Variants in DOK1 observed in about 807,000 individuals in gnomAD.
DOK1 encodes the protein docking protein 1.
Under a neutral mutation model 24.0 loss-of-function variants are expected in DOK1, and 12 were observed. The observed-to-expected ratio is 0.50, with a 90% CI of 0.32 to 0.81. The LOEUF is 0.81. Ranked by LOEUF, DOK1 falls within the 30% of genes least tolerant of loss-of-function variation. The pLI is 0.03. For missense variants in DOK1, 591 were observed against 620.7 expected, an observed-to-expected ratio of 0.95 and a Z score of 0.51; for synonymous variants, 250 against 260.9, an observed-to-expected ratio of 0.96 and a Z score of 0.40.
upstream of DOK1, chr2:74,554,570 C>A: frequency 3.2e-6 from 2 of 617,778 alleles, no homozygotes; most frequent in Non-Finnish European, 5.6e-6. This position sits in a 1 kb window ranked among gnomAD's most constrained non-coding sequence, Gnocchi z 4.9. Flanking sequence ...GGTGCTGCAG[C>A]TCCCGGCTAA....
chr2:74,554,914 G>A lies in DOK1; in HGVS notation c.60+100G>A. The A allele has an allele frequency of 1.3e-6, 2 of 1,556,964 alleles. No homozygotes were observed. The highest frequency in any genetic ancestry group is 8.7e-7 in the Non-Finnish European group (1 of 1,146,192). ...GGCAGCGGGCTGGAGAGCGGCGCCGGGAGTTGGAGAGCCTGTGACTTTCCC... is the reference window on the plus strand; with the variant it reads ...GGCAGCGGGCTGGAGAGCGGCGCCGAGAGTTGGAGAGCCTGTGACTTTCCC... On this transcript the variant is annotated intron_variant, in intron 1 of 4. Transcript: ENST00000233668. This position sits in a 1 kb window ranked among gnomAD's most constrained non-coding sequence, Gnocchi z 4.9.
rs908183659 is a variant in DOK1, at chr2:74,555,809, T to G, written c.455-85T>G. 2.5e-6 allele frequency: 4 copies of G among 1,583,894 alleles called. No individual in the cohort carries two copies. The African/African-American group carries it at 4.0e-5, about 16-fold the overall frequency. On this transcript the variant is annotated intron_variant, in intron 3 of 4. Coordinates refer to ENST00000233668, the MANE Select transcript of DOK1 (RefSeq NM_001381.5). This position sits in a 1 kb window ranked among gnomAD's most constrained non-coding sequence, Gnocchi z 6.1. ...GAGATCTGGCTTCCGAGTGAGTGCTTGGACACTATGCTCATGAGTCCTCTG... is the reference window on the plus strand; with the variant it reads ...GAGATCTGGCTTCCGAGTGAGTGCTGGGACACTATGCTCATGAGTCCTCTG...
chr2:74,552,324 G>C (rs917726288), upstream of DOK1: 2 of 1,596,844 alleles, frequency 1.3e-6, no homozygotes, highest in Non-Finnish European at 1.7e-6. Context: ...TTGCTCACCT[G>C]TTCCAGGGCC....
rs753192396 is a variant in DOK1, at chr2:74,549,412, G to C, written c.-358+240G>C. On this transcript the variant is annotated intron_variant, in intron 1 of 4. Coordinates refer to the DOK1 transcript ENST00000409429. The surrounding 1 kb of genome is among the most constrained non-coding windows in gnomAD (Gnocchi z 5.3). ...ACCCTCTTTTCGCTGGGGAAGCCCA[G>C]CATCCCGCAGACCACGTGGCTGTTG... The C allele has an allele frequency of 1.9e-6, 3 of 1,612,396 alleles. No individual in the cohort carries two copies. In the Admixed American group the frequency reaches 5.0e-5, roughly 27 times the overall value.
In DOK1 at chr2:74,555,478, T is replaced by TG. The variant is rs747082640; in HGVS notation, c.360+30dup. 6.2e-7 allele frequency: 1 copy of TG among 1,608,078 alleles called. No individual in the cohort carries two copies. The highest frequency in any genetic ancestry group is 8.5e-7 in the Non-Finnish European group (1 of 1,177,760). ...GGTGAGGAGCTGCGGCGATGCGGGG[T>TG]GGGGGCAGTTACAGAGGCAGAGAAA... On this transcript the variant is annotated intron_variant, in intron 2 of 4. Coordinates refer to ENST00000233668, the MANE Select transcript of DOK1 (RefSeq NM_001381.5). The surrounding 1 kb of genome is among the most constrained non-coding windows in gnomAD (Gnocchi z 6.1).
In DOK1 at chr2:74,556,768, G is replaced by C. The variant is rs764621606; in HGVS notation, c.1100G>C (p.Gly367Ala). The C allele has an allele frequency of 9.3e-6, 15 of 1,614,024 alleles. No homozygotes were observed. In the South Asian group the frequency reaches 1.6e-4, roughly 18 times the overall value. Residue 367 changes from glycine to alanine, a missense_variant, in exon 5 of 5, where the codon GGC (glycine) becomes GCC (alanine). Transcript: ENST00000233668. This position sits in a 1 kb window ranked among gnomAD's most constrained non-coding sequence, Gnocchi z 4.1. ...GATCCCATCTATGATGAACCTGAGG[G>C]CCTGGCCCCAGTCCCTCCCCAGGGC... ...KEDPIYDEPE[G>A]LAPVPPQGLY...
At chr2:74,550,448 C>T, upstream of DOK1, 1 of 1,244,636 alleles carries the variant, frequency 8.0e-7, no homozygotes, top group South Asian at 1.4e-5. Flanking sequence ...TCCCACTTGG[C>T]CATGATGATC....
chr2:74,552,670 T>G (rs778068013), upstream of DOK1: 42 of 1,487,014 alleles, frequency 2.8e-5, no homozygotes, highest in Non-Finnish European at 3.8e-5. Flanking sequence ...AGACAAAGTG[T>G]GCGTGAGAGA....
Position 74,556,717 on chromosome 2 carries a change from A to G in DOK1, c.1049A>G (p.Lys350Arg), listed in dbSNP as rs547903204. 1.9e-6 allele frequency: 3 copies of G among 1,614,228 alleles called. No individual in the cohort carries two copies. The highest frequency in any genetic ancestry group is 3.3e-5 in the Admixed American group (2 of 60,036). Residue 350 changes from lysine (K) to arginine (R), a missense_variant, in exon 5 of 5, where the codon AAG becomes AGG. Transcript: ENST00000233668. The surrounding 1 kb of genome is among the most constrained non-coding windows in gnomAD (Gnocchi z 4.1). ...LYEHAQQQLLKAKLTDPKEDP... is the reference protein window; with the variant it reads ...LYEHAQQQLLRAKLTDPKEDP... The stretch of plus-strand genomic sequence containing the variant: ...GAGCATGCGCAGCAGCAGTTGCTGA[A>G]GGCCAAGCTGACAGACCCCAAAGAG...
rs1677542479 is a variant in DOK1, at chr2:74,557,152, G to A, written c.*38G>A. 5.7e-6 allele frequency: 9 copies of A among 1,569,184 alleles called. No individual in the cohort carries two copies. The highest frequency in any genetic ancestry group is 7.8e-6 in the Non-Finnish European group (9 of 1,154,434). ...GGCTGAGGTGGCTAAGGGGGACCAT[G>A]GGGAGGTGGCACTAGGGATCAAAGA... On this transcript the variant is annotated 3_prime_UTR_variant, in exon 5 of 5. Coordinates refer to ENST00000233668, the MANE Select transcript of DOK1 (RefSeq NM_001381.5).
upstream of DOK1, chr2:74,554,409 G>GTATCATTAAAA: frequency 3.4e-6 from 1 of 297,736 alleles, no homozygotes; most frequent in Non-Finnish European, 6.2e-6. The surrounding 1 kb of genome is among the most constrained non-coding windows in gnomAD (Gnocchi z 4.9). Context: ...GGGCGCTTTC[G>GTATCATTAAAA]GGGTGATGTC....
Position 74,554,941 on chromosome 2 carries a change from T to A in DOK1, c.60+127T>A. ...AGTTGGAGAGCCTGTGACTTTCCCG[T>A]GAAGTTGCTTTGCACACTCCCGGGA... On this transcript the variant is annotated intron_variant, in intron 1 of 4. Coordinates refer to ENST00000233668, the MANE Select transcript of DOK1 (RefSeq NM_001381.5). The surrounding 1 kb of genome is among the most constrained non-coding windows in gnomAD (Gnocchi z 4.9). 6.7e-7 allele frequency: 1 copy of A among 1,501,236 alleles called. No homozygotes were observed. 93.0% of individuals were successfully genotyped at this position (1,501,236 alleles called of 1,614,324 possible).
At chr2:74,552,623 G>A, upstream of DOK1, 1 of 1,562,494 alleles carries the variant, frequency 6.4e-7, no homozygotes, top group Middle Eastern at 1.7e-4. Flanking sequence ...GCCAGACACT[G>A]ACAGGTCGCA....
upstream of DOK1, chr2:74,550,110 T>C (rs932569094): frequency 5.9e-6 from 9 of 1,519,072 alleles, no homozygotes; most frequent in African/African-American, 1.2e-4. Flanking sequence ...TACCTTCTAA[T>C]GTCTCCGCTA....
chr2:74,549,432 C>G lies in DOK1; in HGVS notation c.-358+260C>G. The G allele has an allele frequency of 6.2e-7, 1 of 1,613,190 alleles. No individual in the cohort carries two copies. Among genetic ancestry groups the G allele is most frequent in the South Asian group, 1.1e-5 (1 of 90,930 alleles). On this transcript the variant is annotated intron_variant, in intron 1 of 4. Coordinates refer to the DOK1 transcript ENST00000409429. The surrounding 1 kb of genome is among the most constrained non-coding windows in gnomAD (Gnocchi z 5.3). ...GCCCAGCATCCCGCAGACCACGTGG[C>G]TGTTGTGGGCGCTCCAGCCTTTGTC...
Position 74,549,657 on chromosome 2 carries a change from C to T in DOK1, c.-358+485C>T. 1 of 1,503,050 alleles carries T rather than the reference C, an allele frequency of 6.7e-7. No homozygotes were observed. Among genetic ancestry groups the T allele is most frequent in the Non-Finnish European group, 8.9e-7 (1 of 1,118,460 alleles). 93.1% of individuals were successfully genotyped at this position (1,503,050 alleles called of 1,614,324 possible). A position where few individuals can be genotyped will look rare whatever the true frequency, so the allele number is the denominator to read the frequency against. ...TGTGTCCCGCCGCCCTTAAGGAACC[C>T]TGCTTGGTGTGCCTGCTGTAAACCC... On this transcript the variant is annotated intron_variant, in intron 1 of 4. Coordinates refer to the DOK1 transcript ENST00000409429. The surrounding 1 kb of genome is among the most constrained non-coding windows in gnomAD (Gnocchi z 5.3).
upstream of DOK1, among the ~76,000 whole-genome samples, chr2:74,551,586 T>C (rs568851008): frequency 1.3e-5 from 2 of 152,390 alleles, no homozygotes; most frequent in East Asian, 3.8e-4. Flanking sequence ...CCTTGAAACT[T>C]GGCTTCTGAA....
upstream of DOK1, chr2:74,550,337 G>A: frequency 1.2e-6 from 2 of 1,613,398 alleles, no homozygotes; most frequent in Non-Finnish European, 1.7e-6. Context: ...AAGTTGTCCA[G>A]CCAGATGCGG....
At chr2:74,550,297 G>C, upstream of DOK1, 1 of 1,614,104 alleles carries the variant, frequency 6.2e-7, no homozygotes, top group Non-Finnish European at 8.5e-7. Flanking sequence ...GGCACATTCA[G>C]TCACACTCTG....
Sources: allele counts gnomAD v4.1 joint callset (sites outside exome capture counted in the v4.1 genomes callset), GRCh38; gene constraint gnomAD v4.1.1; non-coding constraint Gnocchi (gnomAD v3.1); transcripts MANE v1.5; gene names NCBI Gene and HGNC (gene_info 2026-07-23, HGNC 2026-07-21).